PCDH9: variants seen among roughly 807,000 people sequenced by gnomAD.
PCDH9 encodes the protein protocadherin 9, also known as protocadherin-9.
In PCDH9, 24 loss-of-function variants were observed where a neutral mutation model predicts 70.6. The observed-to-expected ratio is 0.34, with a 90% CI of 0.25 to 0.48. PCDH9 has a LOEUF of 0.48. PCDH9 is among the 20% of genes least tolerant of loss of function. PCDH9 has a pLI of 0.99. For missense variants in PCDH9, 1,281 were observed against 1,503.6 expected (o/e 0.85, Z 2.45); for synonymous variants, 562 against 558.5 (o/e 1.01, Z -0.09).
intron 3 of PCDH9, among the ~76,000 whole-genome samples, chr13:66,681,610 C>A (rs113022530): frequency 0.016 from 2,398 of 152,110 alleles, 74 homozygotes; most frequent in African/African-American, 0.055. Context: ...TTGAACATGT[C>A]ACACTGCCTC....
chr13:66,517,857 T>C (rs549589744), intron 4 of PCDH9, among the ~76,000 whole-genome samples: 11 of 152,294 alleles, frequency 7.2e-5, no homozygotes, highest in African/African-American at 2.4e-4. Flanking sequence ...ATTGGCATTA[T>C]AGAAAAATAA....
chr13:66,715,985 C>A (rs2078861791), intron 3 of PCDH9, among the ~76,000 whole-genome samples: 1 of 152,174 alleles, frequency 6.6e-6, no homozygotes, highest in Admixed American at 6.5e-5. Flanking sequence ...TTATTTCCAT[C>A]TGAAGTAGTT....
At chr13:67,182,805 A>G (rs1456253307) in intron 2 of PCDH9, among the ~76,000 whole-genome samples, 7 of 152,236 alleles carry the variant, frequency 4.6e-5, no homozygotes, top group Admixed American at 1.3e-4. Context: ...CTCTTCCTTT[A>G]CATGCCACTC....
intron 2 of PCDH9, among the ~76,000 whole-genome samples, chr13:66,947,270 T>C (rs192111646): frequency 6.6e-6 from 1 of 152,324 alleles, no homozygotes; most frequent in African/African-American, 2.4e-5. Flanking sequence ...CACATAGTGT[T>C]ATCTAACTAA....
At chr13:66,525,352 A>G (rs1351271931) in intron 4 of PCDH9, among the ~76,000 whole-genome samples, 1 of 152,054 alleles carries the variant, frequency 6.6e-6, no homozygotes, top group Non-Finnish European at 1.5e-5. Flanking sequence ...TAGAGTTAGC[A>G]CTGGCCAGTC....
At chr13:67,184,043 G>A (rs2088685362) in intron 2 of PCDH9, among the ~76,000 whole-genome samples, 1 of 152,070 alleles carries the variant, frequency 6.6e-6, no homozygotes, top group African/African-American at 2.4e-5. Flanking sequence ...CCTGAATGTT[G>A]CATTTGCGTC....
intron 4 of PCDH9, among the ~76,000 whole-genome samples, chr13:66,623,975 C>T (rs1439362687): frequency 6.6e-6 from 1 of 152,118 alleles, no homozygotes; most frequent in Non-Finnish European, 1.5e-5. Context: ...GTCAGAGGCA[C>T]ATGACAAGCA....
intron 4 of PCDH9, among the ~76,000 whole-genome samples, chr13:66,457,391 C>T (rs1958338116): frequency 6.6e-6 from 1 of 152,010 alleles, no homozygotes; most frequent in Admixed American, 6.6e-5. Context: ...ATTCACCTTG[C>T]TTTTTGAATA....
chr13:67,136,259 C>G (rs1199054818), intron 2 of PCDH9, among the ~76,000 whole-genome samples: 1 of 152,110 alleles, frequency 6.6e-6, no homozygotes, highest in African/African-American at 2.4e-5. Context: ...TACCACGTAG[C>G]CTAGGTGTGT....
At chr13:66,824,577 C>T (rs2080777021) in intron 3 of PCDH9, among the ~76,000 whole-genome samples, 1 of 139,354 alleles carries the variant, frequency 7.2e-6, no homozygotes, top group Non-Finnish European at 1.6e-5. Context: ...ATTGCTTGAA[C>T]CCAGGAGACA....
rs540230654 is a variant in PCDH9, at chr13:67,130,362, A to G, written c.3036+95043T>C. Among the ~76,000 whole-genome samples the G allele has an allele frequency of 2.6e-5, 4 of 152,310 alleles. No individual in the cohort carries two copies. In the East Asian group the frequency reaches 7.7e-4, roughly 29 times the overall value. On this transcript the variant is annotated intron_variant, in intron 2 of 4. Coordinates refer to ENST00000377865, the MANE Select transcript of PCDH9 (RefSeq NM_203487.3). The stretch of plus-strand genomic sequence containing the variant: ...ATATATAACATACATCCTTAATTGT[A>G]AAGGGCATAGGTGAAAGAGTTCTTC...
At chr13:66,435,348 G>A (rs1329781266) in intron 4 of PCDH9, among the ~76,000 whole-genome samples, 1 of 152,110 alleles carries the variant, frequency 6.6e-6, no homozygotes, top group African/African-American at 2.4e-5. Flanking sequence ...TCCACTGTGA[G>A]TTTTACGACA....
chr13:66,814,562 T>G (rs2080567019), intron 3 of PCDH9, among the ~76,000 whole-genome samples: 1 of 152,152 alleles, frequency 6.6e-6, no homozygotes, highest in Admixed American at 6.5e-5. Context: ...CTTGGTTTGA[T>G]GCACACACAC....
At chr13:66,412,399 A>G (rs1475791642) in intron 4 of PCDH9, among the ~76,000 whole-genome samples, 3 of 152,210 alleles carry the variant, frequency 2.0e-5, no homozygotes, top group Non-Finnish European at 2.9e-5. Context: ...CATTAAGAGA[A>G]ACATGTCTGA....
intron 3 of PCDH9, among the ~76,000 whole-genome samples, chr13:66,792,048 G>C (rs528260247): frequency 6.6e-6 from 1 of 152,194 alleles, no homozygotes; most frequent in East Asian, 1.9e-4. Context: ...AAAGTGCTCT[G>C]CAAATTTCAA....
At chr13:67,107,350 T>C (rs988052488) in intron 2 of PCDH9, among the ~76,000 whole-genome samples, 2 of 152,188 alleles carry the variant, frequency 1.3e-5, no homozygotes, top group African/African-American at 4.8e-5. Context: ...TTCATGGGCC[T>C]GCCCATGGCC....
chr13:66,721,298 A>G (rs2078938321), intron 3 of PCDH9, among the ~76,000 whole-genome samples: 2 of 152,176 alleles, frequency 1.3e-5, no homozygotes, highest in Admixed American at 1.3e-4. Flanking sequence ...TGGAAAGGGC[A>G]CTGAACTCAA....
intron 2 of PCDH9, among the ~76,000 whole-genome samples, chr13:67,153,419 C>A (rs1403536455): frequency 6.6e-6 from 1 of 152,180 alleles, no homozygotes; most frequent in African/African-American, 2.4e-5. Flanking sequence ...ATCCTCCCAC[C>A]TTGGCTTCCC....
At chr13:66,534,823 T>G (rs9540796) in intron 4 of PCDH9, among the ~76,000 whole-genome samples, 35,887 of 152,018 alleles carry the variant, frequency 0.24, 4,716 homozygotes, top group South Asian at 0.34. Context: ...TAGGAATATT[T>G]GAAACATAAT....
Sources: allele counts gnomAD v4.1 joint callset (sites outside exome capture counted in the v4.1 genomes callset), GRCh38; gene constraint gnomAD v4.1.1; transcripts MANE v1.5; gene names NCBI Gene and HGNC (gene_info 2026-07-23, HGNC 2026-07-21).